Variants in ASPH observed in about 807,000 individuals in gnomAD.
ASPH encodes the protein aspartate beta-hydroxylase, also known as aspartyl/asparaginyl beta-hydroxylase.
ASPH carries 100 observed loss-of-function variants against 118.4 expected under a neutral mutation model. The ratio of observed to expected loss-of-function variants is 0.84; its 90% confidence interval spans 0.72 to 1.00. The LOEUF is 1.00. ASPH is among the 50% of genes least tolerant of loss of function. The pLI is 0.00. For missense variants in ASPH, 920 were observed against 919.5 expected (o/e 1.00, Z -0.01); for synonymous variants, 315 against 325.6 (o/e 0.97, Z 0.35).
intron 18 of ASPH, among the ~76,000 whole-genome samples, chr8:61,560,509 A>G (rs1489146637): frequency 6.6e-6 from 1 of 152,200 alleles, no homozygotes; most frequent in African/African-American, 2.4e-5. Flanking sequence ...ACCTTGGTTA[A>G]TGAAAGAGAC....
intron 1 of ASPH, among the ~76,000 whole-genome samples, chr8:61,693,573 C>G (rs909869332): frequency 6.6e-6 from 1 of 152,172 alleles, no homozygotes; most frequent in Non-Finnish European, 1.5e-5. Context: ...CAAGTCAAAC[C>G]TGCTTAGACA....
chr8:61,695,185 C>T (rs1833637593), intron 1 of ASPH, among the ~76,000 whole-genome samples: 1 of 152,238 alleles, frequency 6.6e-6, no homozygotes, highest in African/African-American at 2.4e-5. Flanking sequence ...AAGTTATCAT[C>T]ATCTCCTAGG....
intron 3 of ASPH, among the ~76,000 whole-genome samples, chr8:61,655,418 C>G (rs553250275): frequency 2.2e-4 from 34 of 152,280 alleles, no homozygotes; most frequent in African/African-American, 8.2e-4. Context: ...GATTATTTCA[C>G]TCTCAAAACT....
intron 22 of ASPH, among the ~76,000 whole-genome samples, chr8:61,522,298 C>G (rs575453365): frequency 1.3e-5 from 2 of 152,158 alleles, no homozygotes; most frequent in East Asian, 3.9e-4. Context: ...GCAAATACCA[C>G]AGACTGAGTG....
rs1234406038 is a variant in ASPH, at chr8:61,501,197, C to T, written c.*2162G>A. 3.3e-5 allele frequency: 5 copies of T among 152,046 alleles called. No individual in the cohort carries two copies. Among genetic ancestry groups the T allele is most frequent in the African/African-American group, 1.2e-4 (5 of 41,406 alleles). The allele number at this position is 152,046 out of a possible 1,614,324, so 9.4% of individuals were successfully genotyped here. A position where few individuals can be genotyped will look rare whatever the true frequency, so the allele number is the denominator to read the frequency against. On this transcript the variant is annotated 3_prime_UTR_variant, in exon 25 of 25. Transcript: ENST00000379454. ...GAAACACTTTTCTTATGTACCAAGA[C>T]ATAGATAGGTAAGAGAAATAAAGAA...
chr8:61,702,080 G>A (rs1453641449), intron 1 of ASPH, among the ~76,000 whole-genome samples: 1 of 152,024 alleles, frequency 6.6e-6, no homozygotes, highest in Non-Finnish European at 1.5e-5. Flanking sequence ...AAACGTTTTA[G>A]AAAATATAAC....
intron 1 of ASPH, among the ~76,000 whole-genome samples, chr8:61,688,083 G>T (rs1047940385): frequency 2.0e-5 from 3 of 152,066 alleles, no homozygotes; most frequent in Admixed American, 6.6e-5. Flanking sequence ...ACTGATGAAC[G>T]CATGGTAAGA....
intron 3 of ASPH, among the ~76,000 whole-genome samples, chr8:61,666,708 G>A (rs1331283611): frequency 3.3e-5 from 5 of 152,068 alleles, no homozygotes; most frequent in Admixed American, 2.0e-4. Context: ...GAATTTCCTG[G>A]TGATCAACCA....
intron 1 of ASPH, among the ~76,000 whole-genome samples, chr8:61,701,579 T>C (rs1014012852): frequency 6.6e-6 from 1 of 152,232 alleles, no homozygotes. Flanking sequence ...TGGGCTATGT[T>C]TGGATCCATG....
intron 16 of ASPH, among the ~76,000 whole-genome samples, chr8:61,572,918 A>G (rs575596162): frequency 1.3e-5 from 2 of 152,340 alleles, no homozygotes; most frequent in South Asian, 2.1e-4. Flanking sequence ...GAGGAAGTCA[A>G]ATTGTCTCTG....
intron 3 of ASPH, chr8:61,662,685 G>A (rs1296431158): frequency 1.1e-5 from 3 of 272,276 alleles, no homozygotes; most frequent in Admixed American, 6.5e-5. Context: ...AAGAGAAGGG[G>A]AAAAGAAGAG....
chr8:61,606,411 C>T (rs977814208), intron 14 of ASPH: 4 of 152,092 alleles, frequency 2.6e-5, no homozygotes, highest in African/African-American at 7.2e-5. Flanking sequence ...CTTTATCAAA[C>T]CTTGGCTTTT....
Position 61,633,678 on chromosome 8 carries a change from C to T in ASPH, c.934+5G>A. ...GAGGAAAATACAACATACAAAATGTCATACCTGGTGGTACTTCCTGCTGTT... is the reference window on the plus strand; with the variant it reads ...GAGGAAAATACAACATACAAAATGTTATACCTGGTGGTACTTCCTGCTGTT... On this transcript the variant is annotated splice_donor_5th_base_variant and intron_variant, in intron 13 of 24. Coordinates refer to ENST00000379454, the MANE Select transcript of ASPH (RefSeq NM_004318.4). 6.3e-7 allele frequency: 1 copy of T among 1,595,816 alleles called. No homozygotes were observed. The highest frequency in any genetic ancestry group is 8.5e-7 in the Non-Finnish European group (1 of 1,170,958).
rs1289986254 is a variant in ASPH at position 61,653,666 on chromosome 8, T to C, written c.323-6A>G. The stretch of plus-strand genomic sequence containing the variant: ...AGTAGATCTCTCTTTAAGTCCTGCA[T>C]TTTTTTATTCACAAAGTTAACTTGA... On this transcript the variant is annotated splice_polypyrimidine_tract_variant and splice_region_variant and intron_variant, in intron 3 of 24. Transcript: ENST00000379454. The C allele has an allele frequency of 6.2e-7, 1 of 1,611,514 alleles. No homozygotes were observed. The highest frequency in any genetic ancestry group is 1.3e-5 in the African/African-American group (1 of 74,860).
intron 16 of ASPH, among the ~76,000 whole-genome samples, chr8:61,571,663 C>A (rs1269844110): frequency 3.9e-5 from 6 of 152,106 alleles, no homozygotes; most frequent in Non-Finnish European, 5.9e-5. Flanking sequence ...GTAAATATAA[C>A]AATCACACTG....
At chr8:61,554,246 G>C (rs1480042151) in intron 19 of ASPH, among the ~76,000 whole-genome samples, 1 of 152,244 alleles carries the variant, frequency 6.6e-6, no homozygotes, top group Admixed American at 6.5e-5. Flanking sequence ...CTGCTTGTCT[G>C]TGTGCAGGGA....
At chr8:61,698,713 C>T (rs1018005592) in intron 1 of ASPH, among the ~76,000 whole-genome samples, 16 of 152,102 alleles carry the variant, frequency 1.1e-4, no homozygotes, top group Non-Finnish European at 1.8e-4. Context: ...GGCTGTTAGC[C>T]GCCAGTCAAT....
At chr8:61,675,298 C>T (rs1178406773) in intron 3 of ASPH, 2 of 909,476 alleles carry the variant, frequency 2.2e-6, no homozygotes, top group East Asian at 1.2e-4. Flanking sequence ...CATTAAGATA[C>T]ATATTCACAT....
chr8:61,694,795 T>A (rs1241813971), intron 1 of ASPH, among the ~76,000 whole-genome samples: 1 of 152,232 alleles, frequency 6.6e-6, no homozygotes, highest in African/African-American at 2.4e-5. Context: ...ACCATGTGTC[T>A]ACTCAATATC....
Sources: gnomAD v4.1 joint callset for allele counts (sites outside exome capture counted in the v4.1 genomes callset) on GRCh38, gnomAD v4.1.1 for gene constraint, MANE v1.5 for transcripts, NCBI Gene and HGNC (gene_info 2026-07-23, HGNC 2026-07-21) for gene names.